PLXDC2: variants seen among roughly 807,000 people sequenced by gnomAD.
The protein encoded by PLXDC2 is plexin domain containing 2.
Under a neutral mutation model 68.9 loss-of-function variants are expected in PLXDC2, and 40 were observed. That is an observed-to-expected ratio of 0.58 (90% CI 0.45 to 0.76). The LOEUF is 0.76. Ranked by LOEUF, PLXDC2 falls within the 30% of genes least tolerant of loss-of-function variation. The pLI is 0.00. For missense variants in PLXDC2, 644 were observed against 661.9 expected, an observed-to-expected ratio of 0.97 and a Z score of 0.30; for synonymous variants, 243 against 234.2, an observed-to-expected ratio of 1.04 and a Z score of -0.34.
chr10:20,131,524 C>T (rs1016070840), intron 4 of PLXDC2, among the ~76,000 whole-genome samples: 2 of 152,034 alleles, frequency 1.3e-5, no homozygotes, highest in Admixed American at 6.6e-5. Context: ...CTCAGCCTCC[C>T]GAGTAGCTGG....
chr10:20,273,030 G>A (rs1835959088), intron 13 of PLXDC2, among the ~76,000 whole-genome samples: 1 of 152,094 alleles, frequency 6.6e-6, no homozygotes, highest in Non-Finnish European at 1.5e-5. Flanking sequence ...CAACCTATAT[G>A]GTACTTTATA....
At chr10:20,055,655 A>G (rs1335883353) in intron 3 of PLXDC2, among the ~76,000 whole-genome samples, 1 of 152,102 alleles carries the variant, frequency 6.6e-6, no homozygotes, top group Non-Finnish European at 1.5e-5. Context: ...CAAGTTTATC[A>G]ACCTGGTCTT....
chr10:20,139,564 T>C (rs1399431006), intron 4 of PLXDC2, among the ~76,000 whole-genome samples: 2 of 152,216 alleles, frequency 1.3e-5, no homozygotes, highest in African/African-American at 2.4e-5. Context: ...CATATGTTTA[T>C]TGCAGCACTA....
At chr10:19,866,123 A>G (rs764514832) in intron 1 of PLXDC2, among the ~76,000 whole-genome samples, 1 of 152,232 alleles carries the variant, frequency 6.6e-6, no homozygotes, top group Non-Finnish European at 1.5e-5. Flanking sequence ...AAAGGAAATT[A>G]GATGTATTTT....
At chr10:20,277,762 T>C (rs966750479) in intron 13 of PLXDC2, among the ~76,000 whole-genome samples, 1 of 152,228 alleles carries the variant, frequency 6.6e-6, no homozygotes, top group African/African-American at 2.4e-5. Context: ...AGATTTGTTT[T>C]GCTATCAAAT....
intron 1 of PLXDC2, among the ~76,000 whole-genome samples, chr10:19,874,351 C>T (rs1837595659): frequency 6.6e-6 from 1 of 152,174 alleles, no homozygotes; most frequent in South Asian, 2.1e-4. Flanking sequence ...TCTCCTCTTA[C>T]TGGTTAGTAC....
intron 1 of PLXDC2, among the ~76,000 whole-genome samples, chr10:19,837,090 C>T (rs996923634): frequency 6.6e-6 from 1 of 150,562 alleles, no homozygotes; most frequent in African/African-American, 2.4e-5. Context: ...GTATTGCTTG[C>T]GAGGTGAATT....
intron 13 of PLXDC2, among the ~76,000 whole-genome samples, chr10:20,270,442 A>T (rs1388431066): frequency 6.6e-6 from 1 of 152,216 alleles, no homozygotes; most frequent in East Asian, 1.9e-4. Flanking sequence ...TTAGTGGTAA[A>T]GGTGAGGAGG....
intron 1 of PLXDC2, among the ~76,000 whole-genome samples, chr10:19,857,338 C>A (rs976209603): frequency 6.6e-6 from 1 of 152,178 alleles, no homozygotes; most frequent in Non-Finnish European, 1.5e-5. Context: ...ACATCTGCAA[C>A]CGACACACTT....
chr10:20,279,404 T>C (rs530984627), intron 13 of PLXDC2, among the ~76,000 whole-genome samples: 1 of 152,232 alleles, frequency 6.6e-6, no homozygotes, highest in East Asian at 1.9e-4. Flanking sequence ...TATTTGAGCA[T>C]TTCAGACATA....
chr10:20,053,153 T>C (rs1380383879), intron 3 of PLXDC2, among the ~76,000 whole-genome samples: 1 of 152,150 alleles, frequency 6.6e-6, no homozygotes, highest in Non-Finnish European at 1.5e-5. Flanking sequence ...TCCAAATATA[T>C]TGGTATCTCT....
intron 1 of PLXDC2, among the ~76,000 whole-genome samples, chr10:19,821,665 G>A (rs940341189): frequency 3.3e-5 from 5 of 152,202 alleles, no homozygotes; most frequent in South Asian, 2.1e-4. Flanking sequence ...TGAATGCCAC[G>A]TTGGGAGACT....
chr10:20,140,304 A>G (rs1311084723), intron 4 of PLXDC2, among the ~76,000 whole-genome samples: 2 of 151,960 alleles, frequency 1.3e-5, no homozygotes, highest in African/African-American at 4.8e-5. Flanking sequence ...ATCTCAAAAA[A>G]ATAAAAATAT....
At chr10:20,227,769 G>A (rs1269829480) in intron 12 of PLXDC2, among the ~76,000 whole-genome samples, 14 of 152,132 alleles carry the variant, frequency 9.2e-5, no homozygotes, top group Non-Finnish European at 1.5e-5. Flanking sequence ...GACCCTTGAA[G>A]TATTGCAGGG....
At chr10:20,094,710 T>C (rs1833325422) in intron 4 of PLXDC2, among the ~76,000 whole-genome samples, 1 of 152,198 alleles carries the variant, frequency 6.6e-6, no homozygotes, top group Non-Finnish European at 1.5e-5. Context: ...TTCTTTCTTT[T>C]CCTTTCCTTC....
intron 1 of PLXDC2, among the ~76,000 whole-genome samples, chr10:19,989,229 C>T (rs560733169): frequency 3.3e-5 from 5 of 152,236 alleles, no homozygotes; most frequent in Admixed American, 1.3e-4. Flanking sequence ...TTGTAAAGTA[C>T]GTTTTGGAGC....
At chr10:20,070,352 T>C (rs1452637460) in intron 4 of PLXDC2, among the ~76,000 whole-genome samples, 1 of 152,206 alleles carries the variant, frequency 6.6e-6, no homozygotes, top group African/African-American at 2.4e-5. Context: ...ATTTTGTTGC[T>C]TCAACCCAAG....
chr10:19,929,116 C>T (rs1270937649), intron 1 of PLXDC2, among the ~76,000 whole-genome samples: 3 of 151,848 alleles, frequency 2.0e-5, no homozygotes, highest in Non-Finnish European at 4.4e-5. Context: ...GGTTGGCTCA[C>T]GCCTCTAATC....
At chr10:20,086,606 T>C (rs1833200042) in intron 4 of PLXDC2, among the ~76,000 whole-genome samples, 3 of 152,184 alleles carry the variant, frequency 2.0e-5, no homozygotes. Flanking sequence ...ATGCAGAATT[T>C]GGGACGGCCT....
Sources: allele counts gnomAD v4.1 joint callset (sites outside exome capture counted in the v4.1 genomes callset), GRCh38; gene constraint gnomAD v4.1.1; transcripts MANE v1.5; gene names NCBI Gene and HGNC (gene_info 2026-07-23, HGNC 2026-07-21).